The following OSBPL2 variants were observed in gnomAD, a reference collection of about 807,000 sequenced individuals.
The protein encoded by OSBPL2 is oxysterol-binding protein-related protein 2.
In OSBPL2, 18 loss-of-function variants were observed where a neutral mutation model predicts 58.4. The ratio of observed to expected loss-of-function variants is 0.31; its 90% CI spans 0.21 to 0.46. The LOEUF is 0.46. Among genes scored for constraint, OSBPL2 ranks in the 20% least tolerant of loss-of-function variants. The pLI is 1.00. For synonymous variants in OSBPL2, 221 were observed against 234.1 expected, an observed-to-expected ratio of 0.94 and a Z score of 0.51; for missense variants, 461 against 616.5, an observed-to-expected ratio of 0.75 and a Z score of 2.67.
intron 1 of OSBPL2, among the ~76,000 whole-genome samples, chr20:62,253,402 A>G (rs1350412344): frequency 1.3e-5 from 2 of 152,162 alleles, no homozygotes; most frequent in African/African-American, 4.8e-5. Context: ...ACTTGAATGT[A>G]TTCACCGTGT....
chr20:62,241,031 C>T (rs1383629730), intron 1 of OSBPL2, among the ~76,000 whole-genome samples: 3 of 152,110 alleles, frequency 2.0e-5, no homozygotes, highest in South Asian at 2.1e-4. Flanking sequence ...TTCCACGCCT[C>T]GAGTGCGTTG....
At chr20:62,238,840 G>T (rs955251053) in intron 1 of OSBPL2, 4 of 142,156 alleles carry the variant, frequency 2.8e-5, no homozygotes, top group Non-Finnish European at 6.0e-5. Flanking sequence ...CCGGCCGGGC[G>T]TGGGGCCTGG....
rs79735057 is a variant in OSBPL2, at chr20:62,279,202, C to A, written c.537C>A (p.His179Gln). The A allele has an allele frequency of 1.2e-6, 2 of 1,612,160 alleles. No homozygotes were observed. The highest frequency in any genetic ancestry group is 1.3e-5 in the African/African-American group (1 of 74,992). ...TTATATCGGAACAGGTCAGTCACCA[C>A]CCCCCCATCAGTGCGTTCCACTCGG... ...FRFISEQVSH[H>Q]PPISAFHSEG... The change falls in exon 7 of 14, where the codon CAC becomes CAA. Residue 179 changes from histidine to glutamine, a missense_variant. Physicochemically the swap from His to Gln is conservative, Grantham distance 24. Coordinates refer to ENST00000313733, the MANE Select transcript of OSBPL2 (RefSeq NM_144498.4).
chr20:62,255,024 C>G (rs1252624191), intron 1 of OSBPL2: 1 of 152,022 alleles, frequency 6.6e-6, no homozygotes, highest in Non-Finnish European at 1.5e-5. Flanking sequence ...AGCAAAACTT[C>G]CAGAGCCGTG....
At chr20:62,274,311 T>C (rs1982250446) in intron 6 of OSBPL2, among the ~76,000 whole-genome samples, 1 of 152,194 alleles carries the variant, frequency 6.6e-6, no homozygotes, top group African/African-American at 2.4e-5. Context: ...AGTGTGGTAA[T>C]TCCTCAGCCA....
At chr20:62,279,931 A>G (rs1982673022) in intron 7 of OSBPL2, 1 of 1,299,378 alleles carries the variant, frequency 7.7e-7, no homozygotes, top group Non-Finnish European at 1.0e-6. Context: ...TTGGAATTTG[A>G]AACAGCGTGG....
chr20:62,284,304 TTGTC>T (rs768927266), intron 10 of OSBPL2, 135 bp downstream of exon 10: 7 of 959,342 alleles, frequency 7.3e-6, no homozygotes, highest in African/African-American at 1.6e-5. Context: ...TGTGCAGAAT[TTGTC>T]TGTCCAGATG....
At chr20:62,274,250 C>T (rs572976242) in intron 6 of OSBPL2, among the ~76,000 whole-genome samples, 1 of 152,314 alleles carries the variant, frequency 6.6e-6, no homozygotes, top group Non-Finnish European at 1.5e-5. Context: ...AGTGCCCACC[C>T]ACACCAACAA....
chr20:62,280,204 G>T (rs986906034), intron 7 of OSBPL2: 5 of 969,640 alleles, frequency 5.2e-6, no homozygotes, highest in Non-Finnish European at 7.0e-6. Context: ...AGTAATAAAC[G>T]ACACCTTGCC....
chr20:62,267,712 C>T (rs1454486243), intron 4 of OSBPL2, among the ~76,000 whole-genome samples: 2 of 152,132 alleles, frequency 1.3e-5, no homozygotes, highest in African/African-American at 2.4e-5. Flanking sequence ...GCAGCCCTGG[C>T]GAGGACAGAT....
chr20:62,284,267 C>G, intron 10 of OSBPL2, 98 bp downstream of exon 10: 2 of 1,413,300 alleles, frequency 1.4e-6, no homozygotes, highest in Non-Finnish European at 2.0e-6. Context: ...TCCCAGGGAA[C>G]CTTTGGGCCC....
chr20:62,274,165 C>T (rs1982242247), intron 6 of OSBPL2, among the ~76,000 whole-genome samples: 2 of 152,192 alleles, frequency 1.3e-5, no homozygotes, highest in Admixed American at 1.3e-4. Flanking sequence ...GGTTGGGGTT[C>T]TCTTCACCCA....
Position 62,272,234 on chromosome 20 carries a change from A to G in OSBPL2, c.368A>G (p.Gln123Arg). The G allele has an allele frequency of 6.2e-7, 1 of 1,613,616 alleles. No individual in the cohort carries two copies. Among genetic ancestry groups the G allele is most frequent in the Non-Finnish European group, 8.5e-7 (1 of 1,179,882 alleles). ...HVYLIHRASCQPQPLERMQSV... is the reference protein window; with the variant it reads ...HVYLIHRASCRPQPLERMQSV... ...TACCTCATCCACAGGGCCTCCTGCC[A>G]GCCCCAGCCCCTGGAGAGGATGCAG... is the stretch of plus-strand genomic sequence containing the variant. The change falls in exon 5 of 14, where the codon CAG (glutamine) becomes CGG (arginine). Residue 123 changes from glutamine (Q) to arginine (R), a missense_variant. This residue lies in a region of OSBPL2 where 20 missense variants were observed against 17.1 expected (regional missense o/e 1.17). Transcript: ENST00000313733.
rs1257247705 is a variant in OSBPL2, at chr20:62,279,355, T to C, written c.674+16T>C. 6 of 1,612,144 alleles carry C rather than the reference T, an allele frequency of 3.7e-6. No individual in the cohort carries two copies. Among genetic ancestry groups the C allele is most frequent in the Non-Finnish European group, 5.1e-6 (6 of 1,178,858 alleles). On this transcript the variant is annotated intron_variant, in intron 7 of 13. Coordinates refer to ENST00000313733, the MANE Select transcript of OSBPL2 (RefSeq NM_144498.4). ...AGCTGCTCAAGTGAGTGTCGGTGCG[T>C]CCTGCTGAGATCCGCTTCCTGCAGA...
intron 5 of OSBPL2, 24 bp from the exon 6 acceptor site, chr20:62,273,285 G>T (rs1982183984): frequency 1.9e-6 from 3 of 1,591,244 alleles, no homozygotes; most frequent in Non-Finnish European, 2.6e-6. Context: ...AGCTGTGCCT[G>T]TCCCCCCCGT....
chr20:62,291,584 G>GT, intron 12 of OSBPL2, 119 bp from the exon 13 acceptor site: 1 of 859,938 alleles, frequency 1.2e-6, no homozygotes. Context: ...CACAGAACCT[G>GT]TTGTCTGTGG....
At chr20:62,291,089 T>C (rs1601205430) in intron 12 of OSBPL2, among the ~76,000 whole-genome samples, 1 of 152,136 alleles carries the variant, frequency 6.6e-6, no homozygotes, top group Non-Finnish European at 1.5e-5. Flanking sequence ...TTGCCAACTC[T>C]TGGGTTCAAG....
chr20:62,266,526 T>G (rs953844365), intron 4 of OSBPL2, among the ~76,000 whole-genome samples: 1 of 151,904 alleles, frequency 6.6e-6, no homozygotes, highest in Non-Finnish European at 1.5e-5. Flanking sequence ...TGTGGCTCGT[T>G]CTGGATCTGC....
At chr20:62,256,877 G>A (rs1012328368) in intron 2 of OSBPL2, among the ~76,000 whole-genome samples, 3 of 152,356 alleles carry the variant, frequency 2.0e-5, no homozygotes, top group African/African-American at 4.8e-5. Context: ...CTTTGAGCTC[G>A]TGTCTTGTCA....
Sources: allele counts gnomAD v4.1 joint callset (sites outside exome capture counted in the v4.1 genomes callset), GRCh38; gene constraint gnomAD v4.1.1; regional missense constraint gnomAD v4.1.1; transcripts MANE v1.5; gene names NCBI Gene and HGNC (gene_info 2026-07-23, HGNC 2026-07-21).